Variants in DNAH5 observed in about 807,000 individuals in gnomAD.
DNAH5 encodes the protein axonemal beta dynein heavy chain 5.
DNAH5 carries 372 observed loss-of-function variants against 518.2 expected under a neutral mutation model. The ratio of observed to expected loss-of-function variants is 0.72; its 90% CI spans 0.66 to 0.78. The LOEUF is 0.78. Among genes scored for constraint, DNAH5 ranks in the 30% least tolerant of loss-of-function variants. The pLI is 0.00. For synonymous variants in DNAH5, 2,039 were observed against 2,025.9 expected (o/e 1.01, Z -0.17); for missense variants, 5,523 against 5,687.0 (o/e 0.97, Z 0.93).
At chr5:13,858,539 C>T (rs578128342) in intron 30 of DNAH5, among the ~76,000 whole-genome samples, 36 of 149,142 alleles carry the variant, frequency 2.4e-4, no homozygotes, top group Middle Eastern at 6.8e-3. Flanking sequence ...GCACATTCTG[C>T]ACATGTATCC....
At chr5:13,911,935 A>G (rs1489789867) in intron 11 of DNAH5, among the ~76,000 whole-genome samples, 1 of 152,208 alleles carries the variant, frequency 6.6e-6, no homozygotes, top group Non-Finnish European at 1.5e-5. Context: ...AAATGATGTT[A>G]TATCTACAGA....
chr5:13,842,465 AAGAAAGAAAGAAAGAAAG>A lies in DNAH5; in HGVS notation c.5272-579_5272-562del, dbSNP rs1561407638. Among the ~76,000 whole-genome samples, 3 of 114,680 alleles carry A rather than the reference AAGAAAGAAAGAAAGAAAG, an allele frequency of 2.6e-5. 1 individual carries two copies. The highest frequency in any genetic ancestry group is 7.3e-5 in the African/African-American group (2 of 27,426). 75.2% of individuals were successfully genotyped at this position (114,680 alleles called of 152,430 possible). A position where few individuals can be genotyped will look rare whatever the true frequency, so the allele number is the denominator to read the frequency against. On this transcript the variant is annotated intron_variant, in intron 32 of 78. Transcript: ENST00000265104. The stretch of plus-strand genomic sequence containing the variant: ...AAAGAAAGAAAGAAAGAAAGAAAGA[AAGAAAGAAAGAAAGAAAG>A]AGAAAGAAAAGAAAGAAAGAAAGAA...
intron 25 of DNAH5, among the ~76,000 whole-genome samples, chr5:13,867,158 T>C (rs1769373187): frequency 6.6e-6 from 1 of 152,220 alleles, no homozygotes; most frequent in Non-Finnish European, 1.5e-5. Flanking sequence ...AATTATACAC[T>C]GTTAGCCCTT....
chr5:13,981,934 C>A (rs1443342192), intron 1 of DNAH5, among the ~76,000 whole-genome samples: 1 of 152,236 alleles, frequency 6.6e-6, no homozygotes, highest in Non-Finnish European at 1.5e-5. Flanking sequence ...AACTGAAACA[C>A]AAGGCGTAAG....
At chr5:13,961,366 G>A (rs561369739) in intron 1 of DNAH5, among the ~76,000 whole-genome samples, 5 of 152,144 alleles carry the variant, frequency 3.3e-5, no homozygotes, top group Non-Finnish European at 5.9e-5. Context: ...AAAGCGAGCC[G>A]GGCATGGTGG....
intron 32 of DNAH5, among the ~76,000 whole-genome samples, chr5:13,843,052 C>A (rs1015455433): frequency 1.3e-5 from 2 of 152,158 alleles, no homozygotes; most frequent in African/African-American, 4.8e-5. Context: ...AGCGAAACAT[C>A]AGAAAGAATT....
chr5:13,692,347 C>T (rs1037039083), intron 78 of DNAH5, among the ~76,000 whole-genome samples: 7 of 152,138 alleles, frequency 4.6e-5, no homozygotes, highest in Non-Finnish European at 8.8e-5. Context: ...ACCCAGACAG[C>T]CTCTGGTGGC....
intron 78 of DNAH5, among the ~76,000 whole-genome samples, chr5:13,696,364 G>A (rs958237551): frequency 6.6e-6 from 1 of 152,154 alleles, no homozygotes; most frequent in African/African-American, 2.4e-5. Flanking sequence ...CAGTGTGTGT[G>A]TGGCTTTACC....
chr5:13,977,811 T>A (rs578218934), intron 1 of DNAH5, among the ~76,000 whole-genome samples: 1 of 152,258 alleles, frequency 6.6e-6, no homozygotes, highest in Non-Finnish European at 1.5e-5. Flanking sequence ...CTGGGAGGGT[T>A]CATAAGAGTT....
At chr5:13,755,685 C>T (rs1232038626) in intron 61 of DNAH5, among the ~76,000 whole-genome samples, 1 of 152,162 alleles carries the variant, frequency 6.6e-6, no homozygotes, top group Non-Finnish European at 1.5e-5. Context: ...AGAACCATCC[C>T]CCAACTACGG....
chr5:13,695,467 A>G (rs1391278162), intron 78 of DNAH5, among the ~76,000 whole-genome samples: 2 of 152,138 alleles, frequency 1.3e-5, no homozygotes, highest in Non-Finnish European at 2.9e-5. Context: ...AGCTGTCCTC[A>G]TTTTCAAGTT....
At chr5:13,855,641 C>T (rs1351740439) in intron 30 of DNAH5, among the ~76,000 whole-genome samples, 2 of 152,116 alleles carry the variant, frequency 1.3e-5, no homozygotes, top group African/African-American at 2.4e-5. Flanking sequence ...CTGGACCAAG[C>T]GGACCTAACA....
upstream of DNAH5, among the ~76,000 whole-genome samples, chr5:13,945,580 GGAAGTTTAAGTTTGT>G (rs1779843388): frequency 6.6e-6 from 1 of 152,032 alleles, no homozygotes; most frequent in Admixed American, 6.6e-5. Context: ...CTAGAACACA[GGAAGTTTAAGTTTGT>G]TTGCAGGATT....
At chr5:13,791,047 T>C (rs1003101712) in intron 50 of DNAH5, among the ~76,000 whole-genome samples, 1 of 152,020 alleles carries the variant, frequency 6.6e-6, no homozygotes, top group Admixed American at 6.6e-5. Flanking sequence ...GAACAAACCT[T>C]CACGTGTACC....
At chr5:13,947,579 G>A (rs1182887388), upstream of DNAH5, among the ~76,000 whole-genome samples, 1 of 152,198 alleles carries the variant, frequency 6.6e-6, no homozygotes, top group African/African-American at 2.4e-5. Flanking sequence ...TATCAATGGA[G>A]AGGACGAATT....
At position 13,752,236 on chromosome 5, in the gene DNAH5, A is replaced by G. The variant is rs778597325; in HGVS notation, c.10926T>C (p.Ser3642=). ...YFRNHLEDSL[S]LGRPLLIEDV... is the part of the protein sequence containing the mutation. ...CTTCAATAAGCAAAGGCCTTCCAAGAGAAAGGCTGTCTTCCAGGTGGTTTC... is the reference window on the plus strand; with the variant it reads ...CTTCAATAAGCAAAGGCCTTCCAAGGGAAAGGCTGTCTTCCAGGTGGTTTC... Residue 3642 remains serine (S), a synonymous_variant, in exon 64 of 79, where the codon TCT becomes TCC. Transcript: ENST00000265104. The G allele has an allele frequency of 8.7e-6, 14 of 1,614,008 alleles. No homozygotes were observed. In the South Asian group the frequency reaches 1.4e-4, roughly 16 times the overall value.
intron 51 of DNAH5, among the ~76,000 whole-genome samples, chr5:13,787,191 G>T (rs909326085): frequency 2.7e-5 from 4 of 146,634 alleles, no homozygotes; most frequent in African/African-American, 1.0e-4. Flanking sequence ...GAAACAGAGC[G>T]AGACTCTGTT....
chr5:13,868,202 CT>C (rs1053231605), intron 24 of DNAH5, among the ~76,000 whole-genome samples: 2 of 152,146 alleles, frequency 1.3e-5, no homozygotes, highest in African/African-American at 4.8e-5. Flanking sequence ...GGAAAATCTT[CT>C]GGCTACTTCA....
intron 65 of DNAH5, among the ~76,000 whole-genome samples, chr5:13,739,963 G>C (rs1579995347): frequency 1.3e-5 from 2 of 152,202 alleles, no homozygotes; most frequent in East Asian, 3.9e-4. Context: ...GGACATCTAA[G>C]AGACTTCTCC....
Sources: allele counts gnomAD v4.1 joint callset (sites outside exome capture counted in the v4.1 genomes callset), GRCh38; gene constraint gnomAD v4.1.1; transcripts MANE v1.5; gene names NCBI Gene and HGNC (gene_info 2026-07-23, HGNC 2026-07-21).